AMPH: variants seen among roughly 807,000 people sequenced by gnomAD.
AMPH encodes amphiphysin.
A neutral mutation model predicts 99.1 loss-of-function variants in AMPH; 49 were observed. That is an observed-to-expected ratio of 0.49 (90% confidence interval 0.39 to 0.63). The LOEUF (loss-of-function observed/expected upper bound fraction) is 0.63. AMPH is among the 20% of genes least tolerant of loss of function. AMPH has a pLI of 0.00. For missense variants in AMPH, 759 were observed against 863.4 expected (o/e 0.88, Z 1.52); for synonymous variants, 314 against 317.3 (o/e 0.99, Z 0.11).
intron 13 of AMPH, among the ~76,000 whole-genome samples, chr7:38,430,627 C>T (rs1278008890): frequency 6.6e-6 from 1 of 152,126 alleles, no homozygotes; most frequent in Admixed American, 6.5e-5. Flanking sequence ...ATTGGAATAA[C>T]AAAAAATAGC....
chr7:38,572,256 T>C (rs1235867821), intron 1 of AMPH, among the ~76,000 whole-genome samples: 3 of 152,148 alleles, frequency 2.0e-5, no homozygotes, highest in Non-Finnish European at 4.4e-5. Context: ...GCCTTTTCTA[T>C]GTTTAGATAC....
chr7:38,385,057 G>A lies in AMPH; in HGVS notation c.1981-132C>T, dbSNP rs1784314001. On this transcript the variant is annotated intron_variant, in intron 20 of 20. Coordinates refer to ENST00000356264, the MANE Select transcript of AMPH (RefSeq NM_001635.4). Reference sequence around the variant, plus strand: ...GATGTCACATTACAGGTAAAGTGCTGTGCCGTGATCAATGGGAAGGCCTAT... The same window carrying A: ...GATGTCACATTACAGGTAAAGTGCTATGCCGTGATCAATGGGAAGGCCTAT... The A allele has an allele frequency of 6.7e-6, 5 of 744,614 alleles. No individual in the cohort carries two copies. The East Asian group carries it at 1.3e-4, about 20-fold the overall frequency. The allele number at this position is 744,614 out of a possible 1,614,324, so 46.1% of individuals were successfully genotyped here.
chr7:38,535,111 G>C, intron 1 of AMPH, 100 bp from the exon 2 acceptor site: 1 of 1,008,432 alleles, frequency 9.9e-7, no homozygotes, highest in Non-Finnish European at 1.5e-6. Context: ...TTGCTCTGAG[G>C]AGTAGAGCAA....
At chr7:38,612,517 T>A (rs185347054) in intron 1 of AMPH, among the ~76,000 whole-genome samples, 1 of 152,320 alleles carries the variant, frequency 6.6e-6, no homozygotes, top group South Asian at 2.1e-4. Flanking sequence ...CTAAACAGTT[T>A]TCTCAAAGGG....
chr7:38,610,123 C>G (rs1793573596), intron 1 of AMPH, among the ~76,000 whole-genome samples: 1 of 149,944 alleles, frequency 6.7e-6, no homozygotes, highest in Admixed American at 6.7e-5. Context: ...GTAATCCCAG[C>G]TACTCGGGAG....
intron 1 of AMPH, among the ~76,000 whole-genome samples, chr7:38,545,431 C>T (rs771795750): frequency 3.3e-5 from 5 of 151,926 alleles, no homozygotes; most frequent in African/African-American, 4.8e-5. Flanking sequence ...GTGGCAGAGG[C>T]GGGGCTGTTG....
chr7:38,535,450 A>G (rs1250315343), intron 1 of AMPH, among the ~76,000 whole-genome samples: 1 of 152,048 alleles, frequency 6.6e-6, no homozygotes, highest in African/African-American at 2.4e-5. Flanking sequence ...TGGTCCCCAA[A>G]CTTTTTGGCA....
At chr7:38,400,168 C>A (rs188742863) in intron 17 of AMPH, among the ~76,000 whole-genome samples, 2 of 152,172 alleles carry the variant, frequency 1.3e-5, no homozygotes, top group African/African-American at 2.4e-5. Context: ...CTCCGCCCCC[C>A]AGGTTCAAGC....
At chr7:38,457,794 C>A (rs6944037) in intron 11 of AMPH, among the ~76,000 whole-genome samples, 24,276 of 152,074 alleles carry the variant, frequency 0.16, 2,144 homozygotes, top group East Asian at 0.28. Flanking sequence ...AAGACAGAAT[C>A]CTAAGAACAG....
At chr7:38,463,893 A>T (rs1055564953) in intron 9 of AMPH, among the ~76,000 whole-genome samples, 3 of 152,232 alleles carry the variant, frequency 2.0e-5, no homozygotes, top group Non-Finnish European at 2.9e-5. Flanking sequence ...GCTCGAAGAA[A>T]CAGAGTCTGT....
At chr7:38,454,465 T>C (rs1281966171) in intron 11 of AMPH, among the ~76,000 whole-genome samples, 2 of 151,510 alleles carry the variant, frequency 1.3e-5, no homozygotes, top group Non-Finnish European at 2.9e-5. Flanking sequence ...CTTTTACTTG[T>C]AGAAAAAAGA....
Position 38,567,445 on chromosome 7 carries a change from G to C in AMPH, c.70-32434C>G, listed in dbSNP as rs570302995. The stretch of plus-strand genomic sequence containing the variant: ...GAGAAATACCTAATATAAATGACGA[G>C]TTGATGGGTGCAGCAAACCAACGTG... On this transcript the variant is annotated intron_variant, in intron 1 of 20. Coordinates refer to ENST00000356264, the MANE Select transcript of AMPH (RefSeq NM_001635.4). 1.5e-3 allele frequency among the ~76,000 whole-genome samples: 233 copies of C among 152,192 alleles called. 2 individuals are homozygous for C. The highest frequency in any genetic ancestry group is 1.2e-3 in the South Asian group (6 of 4,822).
chr7:38,589,096 G>A (rs1174945489), intron 1 of AMPH, among the ~76,000 whole-genome samples: 1 of 152,098 alleles, frequency 6.6e-6, no homozygotes, highest in Non-Finnish European at 1.5e-5. Context: ...TATTCCTATT[G>A]ATCAAATTCC....
chr7:38,598,421 G>C (rs1349586196), intron 1 of AMPH, among the ~76,000 whole-genome samples: 1 of 152,124 alleles, frequency 6.6e-6, no homozygotes, highest in African/African-American at 2.4e-5. Flanking sequence ...TCCTGCCTCA[G>C]CCTCCCAAGT....
chr7:38,458,575 T>C (rs1049735819), intron 11 of AMPH, among the ~76,000 whole-genome samples: 2 of 152,174 alleles, frequency 1.3e-5, no homozygotes, highest in African/African-American at 2.4e-5. Context: ...ACAATAAACC[T>C]AATATATCAC....
intron 12 of AMPH, among the ~76,000 whole-genome samples, chr7:38,434,751 A>G (rs2128995090): frequency 6.6e-6 from 1 of 152,126 alleles, no homozygotes; most frequent in African/African-American, 2.4e-5. Flanking sequence ...AGAAAAAAAA[A>G]AAAAAAGAAG....
At chr7:38,629,029 G>A (rs960994129) in intron 1 of AMPH, among the ~76,000 whole-genome samples, 1 of 152,162 alleles carries the variant, frequency 6.6e-6, no homozygotes, top group East Asian at 1.9e-4. Context: ...AAGAAGCAAA[G>A]GGTCTCAGGG....
At chr7:38,496,554 G>A (rs1788940293) in intron 3 of AMPH, among the ~76,000 whole-genome samples, 1 of 152,132 alleles carries the variant, frequency 6.6e-6, no homozygotes, top group African/African-American at 2.4e-5. Context: ...CAGGTGAAGG[G>A]ACAGCAAATA....
At position 38,384,874 on chromosome 7, in the gene AMPH, C is replaced by T; in HGVS notation, c.2032G>A (p.Asp678Asn). 6.2e-7 allele frequency: 1 copy of T among 1,614,070 alleles called. No individual in the cohort carries two copies. Among genetic ancestry groups the T allele is most frequent in the Non-Finnish European group, 8.5e-7 (1 of 1,179,984 alleles). ...VKESDWLQYRDLATYKGLFPE... is the reference protein window; with the variant it reads ...VKESDWLQYRNLATYKGLFPE... ...AAGAGGCCTTTGTAGGTGGCAAGGT[C>T]TCTGTACTGAAGCCAGTCTGATTCC... The change falls in exon 21 of 21, where the codon GAC becomes AAC. Residue 678 changes from aspartate to asparagine, a missense_variant. Asp to Asn is a conservative substitution (Grantham distance 23). Transcript: ENST00000356264.
Sources: allele counts gnomAD v4.1 joint callset (sites outside exome capture counted in the v4.1 genomes callset), GRCh38; gene constraint gnomAD v4.1.1; transcripts MANE v1.5; gene names NCBI Gene and HGNC (gene_info 2026-07-23, HGNC 2026-07-21).